The following TMEM232 variants were observed in gnomAD, a reference collection of about 807,000 sequenced individuals.
TMEM232 encodes transmembrane protein 232.
TMEM232 carries 80 observed loss-of-function variants against 78.8 expected under a neutral mutation model. That is an observed-to-expected ratio of 1.01 (90% CI 0.85 to 1.22). The LOEUF (loss-of-function observed/expected upper bound fraction) is 1.22, where lower values mean the gene tolerates loss of function less well. Among genes scored for constraint, TMEM232 ranks in the 50% most tolerant of loss-of-function variants. TMEM232 has a pLI of 0.00. For synonymous variants in TMEM232, 297 were observed against 254.3 expected (o/e 1.17, Z -1.60); for missense variants, 881 against 742.2 (o/e 1.19, Z -2.17).
chr5:110,596,733 C>CCAGCATATAAACAGAGCCAAAGA (rs1267726981), intron 10 of TMEM232, among the ~76,000 whole-genome samples: 3 of 152,100 alleles, frequency 2.0e-5, no homozygotes, highest in African/African-American at 4.8e-5. Flanking sequence ...TAAATGTAAT[C>CCAGCATATAAACAGAGCCAAAGA]CAGCATATAA....
At chr5:110,499,811 T>C (rs887847318) in intron 12 of TMEM232, among the ~76,000 whole-genome samples, 2 of 152,106 alleles carry the variant, frequency 1.3e-5, no homozygotes, top group African/African-American at 2.4e-5. Flanking sequence ...AGTTCAACAT[T>C]TGTATAATCC....
intron 1 of TMEM232, among the ~76,000 whole-genome samples, chr5:110,703,229 G>A (rs1178273171): frequency 2.0e-5 from 3 of 152,024 alleles, no homozygotes; most frequent in Non-Finnish European, 4.4e-5. Context: ...GGCAGATATA[G>A]CTAATCAAGG....
chr5:110,531,866 C>T (rs1313093653), intron 11 of TMEM232, among the ~76,000 whole-genome samples: 3 of 152,276 alleles, frequency 2.0e-5, no homozygotes, highest in South Asian at 2.1e-4. Flanking sequence ...TCTCAATATA[C>T]ATTTTATTAC....
In TMEM232 at chr5:110,638,362, T is replaced by C. The variant is rs1561432868; in HGVS notation, c.344-7A>G. ...TAAAGCATATTTAAAGATTCTGAAATATTAAAAATATAGAAACTGCATCAT... is the reference window on the plus strand; with the variant it reads ...TAAAGCATATTTAAAGATTCTGAAACATTAAAAATATAGAAACTGCATCAT... On this transcript the variant is annotated splice_polypyrimidine_tract_variant and splice_region_variant and intron_variant, in intron 4 of 13. Transcript: ENST00000455884. 5 of 1,522,992 alleles carry C rather than the reference T, an allele frequency of 3.3e-6. No individual in the cohort carries two copies. Among genetic ancestry groups the C allele is most frequent in the Admixed American group, 4.5e-5 (2 of 44,086 alleles). The allele number at this position is 1,522,992 out of a possible 1,614,324, so 94.3% of individuals were successfully genotyped here. A position where few individuals can be genotyped will look rare whatever the true frequency, so the allele number is the denominator to read the frequency against.
intron 12 of TMEM232, among the ~76,000 whole-genome samples, chr5:110,497,244 C>T (rs1419321380): frequency 6.6e-6 from 1 of 151,964 alleles, no homozygotes; most frequent in African/African-American, 2.4e-5. Flanking sequence ...TGAAGCACAC[C>T]TCAGTATAAA....
chr5:110,698,538 C>A (rs913542699), intron 1 of TMEM232, among the ~76,000 whole-genome samples: 3 of 152,084 alleles, frequency 2.0e-5, no homozygotes, highest in African/African-American at 7.2e-5. Context: ...TTCAGGGACA[C>A]ACAGGACTCA....
intron 12 of TMEM232, among the ~76,000 whole-genome samples, chr5:110,512,853 G>A (rs1199445225): frequency 3.3e-5 from 5 of 152,154 alleles, no homozygotes; most frequent in East Asian, 1.9e-4. Flanking sequence ...TAACTGATCT[G>A]TATTTGAAAT....
At chr5:110,558,250 A>G (rs539264716) in intron 11 of TMEM232, among the ~76,000 whole-genome samples, 7 of 152,224 alleles carry the variant, frequency 4.6e-5, no homozygotes, top group African/African-American at 1.4e-4. Context: ...TTGGGGTGGT[A>G]GCAGTGGGGC....
intron 7 of TMEM232, among the ~76,000 whole-genome samples, chr5:110,620,629 CTCTCTCTCT>C (rs1783564638): frequency 5.8e-5 from 6 of 103,618 alleles, no homozygotes; most frequent in African/African-American, 1.9e-4. Context: ...CTCTCTCTCT[CTCTCTCTCT>C]CCTCTCTCCT....
At chr5:110,708,429 C>A (rs1796153139) in intron 1 of TMEM232, among the ~76,000 whole-genome samples, 2 of 151,986 alleles carry the variant, frequency 1.3e-5, no homozygotes, top group South Asian at 2.1e-4. Flanking sequence ...AGTAGGCATG[C>A]AGAAAAATTC....
At chr5:110,638,480 C>T (rs1457991062) in intron 4 of TMEM232, 125 bp from the exon 5 acceptor site, 16 of 955,550 alleles carry the variant, frequency 1.7e-5, no homozygotes, top group Admixed American at 2.9e-5. Flanking sequence ...AATATATTTA[C>T]AAATTCTCTT....
chr5:110,666,981 C>A (rs1248248911), intron 2 of TMEM232: 2 of 294,652 alleles, frequency 6.8e-6, no homozygotes, highest in Non-Finnish European at 1.2e-5. Flanking sequence ...TTTTCTCATG[C>A]AATCTATGCA....
intron 1 of TMEM232, among the ~76,000 whole-genome samples, chr5:110,725,237 G>T (rs905283083): frequency 1.2e-4 from 19 of 152,122 alleles, no homozygotes; most frequent in Admixed American, 3.3e-4. Context: ...AAATAAGTAG[G>T]TTTGCATATA....
intron 1 of TMEM232, among the ~76,000 whole-genome samples, chr5:110,697,142 C>T (rs1268040077): frequency 6.6e-6 from 1 of 152,034 alleles, no homozygotes; most frequent in East Asian, 1.9e-4. Context: ...GAAATAATGC[C>T]GCATATCTGC....
intron 2 of TMEM232, among the ~76,000 whole-genome samples, chr5:110,398,524 C>T (rs1372485397): frequency 2.0e-5 from 3 of 152,122 alleles, no homozygotes; most frequent in African/African-American, 7.2e-5. Context: ...ATGGACAGAT[C>T]TGCATAGGCC....
chr5:110,457,498 C>T (rs1390423799), intron 12 of TMEM232, among the ~76,000 whole-genome samples: 1 of 151,900 alleles, frequency 6.6e-6, no homozygotes, highest in Non-Finnish European at 1.5e-5. Context: ...TTTCACGCCT[C>T]GGTATTTAGC....
At chr5:110,405,384 T>C (rs1272724192) in intron 2 of TMEM232, among the ~76,000 whole-genome samples, 1 of 152,008 alleles carries the variant, frequency 6.6e-6, no homozygotes, top group African/African-American at 2.4e-5. Context: ...AATAAAAGAT[T>C]AGAAGATATG....
upstream of TMEM232, among the ~76,000 whole-genome samples, chr5:110,728,923 C>A (rs7730319): frequency 0.023 from 3,451 of 149,208 alleles, 121 homozygotes; most frequent in African/African-American, 0.079. Flanking sequence ...TCGCTTTTGT[C>A]CCCCAGGCTG....
At chr5:110,412,859 G>A (rs1756048697) in intron 2 of TMEM232, among the ~76,000 whole-genome samples, 3 of 152,072 alleles carry the variant, frequency 2.0e-5, no homozygotes, top group African/African-American at 7.2e-5. Flanking sequence ...TAAACTTTCA[G>A]TGTATTAAAT....
Sources: gnomAD v4.1 joint callset for allele counts (sites outside exome capture counted in the v4.1 genomes callset) on GRCh38, gnomAD v4.1.1 for gene constraint, MANE v1.5 for transcripts, NCBI Gene and HGNC (gene_info 2026-07-23, HGNC 2026-07-21) for gene names.